The following USP13 variants were observed in gnomAD, a reference collection of about 807,000 sequenced individuals.
USP13 encodes ubiquitin carboxyl-terminal hydrolase 13.
USP13 carries 68 observed loss-of-function variants against 107.8 expected under a neutral mutation model. That is an observed-to-expected ratio of 0.63 (90% CI 0.52 to 0.77). USP13 has a LOEUF of 0.77. USP13 is among the 30% of genes least tolerant of loss of function. The pLI is 0.00. For synonymous variants in USP13, 377 were observed against 389.5 expected, an observed-to-expected ratio of 0.97 and a Z score of 0.38; for missense variants, 945 against 1,093.3, an observed-to-expected ratio of 0.86 and a Z score of 1.91.
At chr3:179,748,568 A>G (rs1222560620) in intron 13 of USP13, among the ~76,000 whole-genome samples, 3 of 152,226 alleles carry the variant, frequency 2.0e-5, no homozygotes, top group African/African-American at 2.4e-5. Context: ...TTAAATGATC[A>G]TGAACAGACC....
intron 13 of USP13, 88 bp downstream of exon 13, chr3:179,745,305 T>C: frequency 4.0e-6 from 6 of 1,483,568 alleles, no homozygotes; most frequent in Non-Finnish European, 5.5e-6. Flanking sequence ...TGGGTGTTAT[T>C]TGTGTCTGTG....
intron 15 of USP13, among the ~76,000 whole-genome samples, chr3:179,756,287 G>T (rs1374064177): frequency 6.6e-6 from 1 of 152,150 alleles, no homozygotes; most frequent in African/African-American, 2.4e-5. Context: ...ACTGGGCGTG[G>T]CCACACTTGC....
intron 10 of USP13, among the ~76,000 whole-genome samples, chr3:179,732,274 T>A (rs933932683): frequency 2.6e-5 from 4 of 152,202 alleles, no homozygotes; most frequent in Non-Finnish European, 5.9e-5. Context: ...TATCCAGGCT[T>A]CTTCTACTTC....
At chr3:179,666,189 C>T (rs1394942921) in intron 1 of USP13, among the ~76,000 whole-genome samples, 5 of 152,128 alleles carry the variant, frequency 3.3e-5, no homozygotes, top group African/African-American at 1.2e-4. Flanking sequence ...AGGGACCAGC[C>T]ACTTATGAGC....
intron 19 of USP13, among the ~76,000 whole-genome samples, chr3:179,766,875 T>C (rs572039653): frequency 2.6e-5 from 4 of 152,174 alleles, no homozygotes; most frequent in Non-Finnish European, 5.9e-5. Context: ...CTCTTTAGCT[T>C]GGCATTCAGC....
At chr3:179,780,838 A>T (rs1158569614) in intron 19 of USP13, among the ~76,000 whole-genome samples, 3 of 152,278 alleles carry the variant, frequency 2.0e-5, no homozygotes, top group Non-Finnish European at 4.4e-5. Flanking sequence ...AAAATGTAGT[A>T]AAAGTGGAGC....
chr3:179,658,962 T>A (rs1720372156), intron 1 of USP13, among the ~76,000 whole-genome samples: 1 of 152,098 alleles, frequency 6.6e-6, no homozygotes. Flanking sequence ...ATACAGTGGC[T>A]GAACCAAAAA....
At chr3:179,782,374 C>G in intron 20 of USP13, among the ~76,000 whole-genome samples, 1 of 152,202 alleles carries the variant, frequency 6.6e-6, no homozygotes, top group East Asian at 1.9e-4. Flanking sequence ...AGTGCTTTGC[C>G]TTACTACAGC....
Position 179,653,896 on chromosome 3 carries a change from C to G in USP13, c.168+503C>G, listed in dbSNP as rs1720172185. Reference sequence around the variant, plus strand: ...TTCTTCCACCAGTTCCCATTTCACCCCACTCCTTTTCTTGTCTTTAGAATG... The same window carrying G: ...TTCTTCCACCAGTTCCCATTTCACCGCACTCCTTTTCTTGTCTTTAGAATG... On this transcript the variant is annotated intron_variant, in intron 1 of 20. Coordinates refer to ENST00000263966, the MANE Select transcript of USP13 (RefSeq NM_003940.3). The surrounding 1 kb of genome is among the most constrained non-coding windows in gnomAD (Gnocchi z 4.0). 1 of 152,906 alleles carries G rather than the reference C, an allele frequency of 6.5e-6. No individual in the cohort carries two copies. Among genetic ancestry groups the G allele is most frequent in the South Asian group, 2.1e-4 (1 of 4,860 alleles). The allele number at this position is 152,906 out of a possible 1,614,324, so 9.5% of individuals were successfully genotyped here.
Position 179,740,237 on chromosome 3 carries a change from T to G in USP13, c.1255-10T>G. On this transcript the variant is annotated splice_polypyrimidine_tract_variant and intron_variant, in intron 10 of 20. Transcript: ENST00000263966. ...AAGTATCATAAGTCCATTTCATTTT[T>G]ATACATTAGCCACAGCAGAACGGGA... 2 of 1,613,524 alleles carry G rather than the reference T, an allele frequency of 1.2e-6. No homozygotes were observed. Among genetic ancestry groups the G allele is most frequent in the Non-Finnish European group, 1.7e-6 (2 of 1,179,476 alleles).
At chr3:179,724,509 G>A (rs1391136638) in intron 8 of USP13, among the ~76,000 whole-genome samples, 2 of 150,660 alleles carry the variant, frequency 1.3e-5, no homozygotes, top group African/African-American at 2.4e-5. Context: ...TTAAAGAAAG[G>A]AAAGAAAAAA....
At chr3:179,663,374 C>G (rs1325955441) in intron 1 of USP13, among the ~76,000 whole-genome samples, 2 of 152,204 alleles carry the variant, frequency 1.3e-5, no homozygotes, top group East Asian at 3.8e-4. Context: ...TCTTGTTTAT[C>G]CAGTCATCTG....
chr3:179,782,722 T>G (rs182976786), intron 20 of USP13, among the ~76,000 whole-genome samples: 1 of 152,294 alleles, frequency 6.6e-6, no homozygotes, highest in African/African-American at 2.4e-5. Context: ...TCTTCTTAAC[T>G]TGGTAAAATA....
chr3:179,662,766 A>C (rs1720490197), intron 1 of USP13, among the ~76,000 whole-genome samples: 1 of 152,204 alleles, frequency 6.6e-6, no homozygotes, highest in South Asian at 2.1e-4. Flanking sequence ...ATCCTGTCAG[A>C]AAGACTTTTT....
chr3:179,774,715 A>G (rs533052732), intron 19 of USP13, among the ~76,000 whole-genome samples: 1 of 152,336 alleles, frequency 6.6e-6, no homozygotes, highest in East Asian at 1.9e-4. Flanking sequence ...AGGGGACCCA[A>G]GCAGGTTGCC....
chr3:179,772,591 A>T (rs114594369), intron 19 of USP13, among the ~76,000 whole-genome samples: 2,260 of 152,312 alleles, frequency 0.015, 35 homozygotes, highest in Middle Eastern at 0.065. Context: ...CCAGTGGTCG[A>T]CTGGAAAGTC....
intron 2 of USP13, among the ~76,000 whole-genome samples, chr3:179,687,488 T>C (rs1007619423): frequency 6.6e-6 from 1 of 151,206 alleles, no homozygotes; most frequent in African/African-American, 2.4e-5. Context: ...GGAGAAACCC[T>C]GTCTCTACTA....
At chr3:179,668,618 G>A (rs1013430335) in intron 1 of USP13, among the ~76,000 whole-genome samples, 3 of 152,064 alleles carry the variant, frequency 2.0e-5, no homozygotes, top group Non-Finnish European at 4.4e-5. Flanking sequence ...GTGCAGTGGT[G>A]TGATCTTGGC....
chr3:179,767,272 C>T (rs535500806), intron 19 of USP13, among the ~76,000 whole-genome samples: 1 of 152,110 alleles, frequency 6.6e-6, no homozygotes, highest in African/African-American at 2.4e-5. Flanking sequence ...ATTATTATCC[C>T]CATTTTACAG....
Sources: allele counts gnomAD v4.1 joint callset (sites outside exome capture counted in the v4.1 genomes callset), GRCh38; gene constraint gnomAD v4.1.1; non-coding constraint Gnocchi (gnomAD v3.1); transcripts MANE v1.5; gene names NCBI Gene and HGNC (gene_info 2026-07-23, HGNC 2026-07-21).